BRDT: variants seen among roughly 807,000 people sequenced by gnomAD.
BRDT encodes bromodomain testis-specific protein.
Under a neutral mutation model 113.9 loss-of-function variants are expected in BRDT, and 77 were observed. The observed-to-expected ratio is 0.68, with a 90% confidence interval of 0.56 to 0.82. The LOEUF is 0.82. BRDT is among the 40% of genes least tolerant of loss of function. The pLI, the probability that BRDT is intolerant of heterozygous loss-of-function variation, is 0.00. For synonymous variants in BRDT, 358 were observed against 366.5 expected, an observed-to-expected ratio of 0.98 and a Z score of 0.26; for missense variants, 1,027 against 1,105.4, an observed-to-expected ratio of 0.93 and a Z score of 1.01.
intron 16 of BRDT, among the ~76,000 whole-genome samples, chr1:92,003,853 A>G (rs978153433): frequency 6.6e-6 from 1 of 152,204 alleles, no homozygotes; most frequent in East Asian, 1.9e-4. Context: ...CGTGGCTATT[A>G]GAAAACATTA....
intron 18 of BRDT, 58 bp from the exon 19 acceptor site, chr1:92,014,148 G>T: frequency 9.1e-7 from 1 of 1,102,964 alleles, no homozygotes; most frequent in African/African-American, 1.6e-5. Flanking sequence ...TTATTGTATA[G>T]TTGTAGTAAA....
At chr1:91,962,648 A>G in intron 1 of BRDT, 70 bp from the exon 2 acceptor site, 2 of 961,364 alleles carry the variant, frequency 2.1e-6, no homozygotes, top group South Asian at 4.3e-5. Flanking sequence ...TTACTCTTGA[A>G]TAACACTTTT....
At chr1:91,980,541 T>A in intron 8 of BRDT, 102 bp from the exon 9 acceptor site, 5 of 1,027,218 alleles carry the variant, frequency 4.9e-6, no homozygotes, top group South Asian at 3.0e-5. Flanking sequence ...AAGAAATGAA[T>A]TTCACAAAAG....
intron 18 of BRDT, among the ~76,000 whole-genome samples, chr1:92,011,532 G>T (rs976564687): frequency 1.3e-5 from 2 of 151,736 alleles, no homozygotes; most frequent in East Asian, 3.9e-4. Context: ...GAGCTACCAC[G>T]CCCAGCCGAC....
chr1:91,956,953 A>C (rs1681839124), intron 1 of BRDT, among the ~76,000 whole-genome samples: 1 of 152,130 alleles, frequency 6.6e-6, no homozygotes, highest in South Asian at 2.1e-4. Flanking sequence ...AAATTTTTAA[A>C]AATAGAAATA....
chr1:91,981,566 C>T, intron 11 of BRDT, 52 bp from the exon 12 acceptor site: 1 of 1,599,180 alleles, frequency 6.3e-7, no homozygotes. Context: ...TTTAAATGTT[C>T]CTGCAACTAT....
intron 3 of BRDT, among the ~76,000 whole-genome samples, chr1:91,965,878 G>GA (rs1006136922): frequency 6.6e-6 from 1 of 151,742 alleles, no homozygotes; most frequent in Non-Finnish European, 1.5e-5. Context: ...TTCCTGGGAT[G>GA]AGTCCTTTGA....
intron 1 of BRDT, chr1:91,952,285 AGTTT>A (rs1681179667): frequency 6.6e-6 from 1 of 152,040 alleles, no homozygotes; most frequent in African/African-American, 2.4e-5. Context: ...GTGTAAGGGG[AGTTT>A]TAGAGGAATG....
At chr1:92,011,891 C>T (rs1272046846) in intron 18 of BRDT, among the ~76,000 whole-genome samples, 1 of 152,144 alleles carries the variant, frequency 6.6e-6, no homozygotes, top group Non-Finnish European at 1.5e-5. Flanking sequence ...AAACGTTTAC[C>T]TCATGCCAGT....
chr1:91,991,528 G>A (rs914729196), intron 13 of BRDT, among the ~76,000 whole-genome samples: 5 of 152,178 alleles, frequency 3.3e-5, no homozygotes, highest in Non-Finnish European at 7.4e-5. Flanking sequence ...TGAATACAGA[G>A]GGATGGCCTT....
intron 1 of BRDT, among the ~76,000 whole-genome samples, chr1:91,961,721 A>G (rs954541927): frequency 2.6e-5 from 4 of 152,186 alleles, no homozygotes; most frequent in Non-Finnish European, 5.9e-5. Flanking sequence ...TGAATTAACA[A>G]TTGTAGAATA....
At chr1:91,982,195 T>A (rs142082312) in intron 12 of BRDT, among the ~76,000 whole-genome samples, 132 of 152,330 alleles carry the variant, frequency 8.7e-4, no homozygotes, top group African/African-American at 3.0e-3. Context: ...TGAATAATCC[T>A]TTTGAGTTAA....
intron 15 of BRDT, among the ~76,000 whole-genome samples, chr1:91,995,641 T>G (rs908641227): frequency 7.3e-6 from 1 of 137,182 alleles, no homozygotes; most frequent in Non-Finnish European, 1.6e-5. Flanking sequence ...TTTTTTGTAG[T>G]TTTTTTTTTT....
intron 12 of BRDT, among the ~76,000 whole-genome samples, chr1:91,982,922 G>GT (rs1171857934): frequency 6.6e-6 from 1 of 152,106 alleles, no homozygotes; most frequent in Non-Finnish European, 1.5e-5. Context: ...ATTTTCAATT[G>GT]TAATTAGCAT....
intron 14 of BRDT, among the ~76,000 whole-genome samples, chr1:91,993,590 T>C (rs1460455925): frequency 6.6e-6 from 1 of 152,216 alleles, no homozygotes; most frequent in Non-Finnish European, 1.5e-5. Context: ...GAATATTGAA[T>C]TAGAATTTAT....
chr1:91,964,015 G>T (rs1418351745), intron 2 of BRDT, among the ~76,000 whole-genome samples: 4 of 151,852 alleles, frequency 2.6e-5, no homozygotes, highest in African/African-American at 9.7e-5. Context: ...GGGAAGACAG[G>T]CATGTGCCAG....
At chr1:91,963,140 A>G (rs1047831982) in intron 2 of BRDT, among the ~76,000 whole-genome samples, 194 bp downstream of exon 2, 1 of 152,168 alleles carries the variant, frequency 6.6e-6, no homozygotes, top group African/African-American at 2.4e-5. Flanking sequence ...CCTGACCAAC[A>G]TGGAGAGACC....
At chr1:91,994,837 C>T (rs1370664503) in intron 15 of BRDT, among the ~76,000 whole-genome samples, 3 of 132,656 alleles carry the variant, frequency 2.3e-5, no homozygotes, top group Non-Finnish European at 3.1e-5. Context: ...CACTGCACTC[C>T]AGCCTGGGCG....
At chr1:92,011,062 A>G (rs1012872540) in intron 18 of BRDT, among the ~76,000 whole-genome samples, 2 of 152,120 alleles carry the variant, frequency 1.3e-5, no homozygotes, top group Non-Finnish European at 2.9e-5. Flanking sequence ...ATATAAGAAC[A>G]TTAGTTTGAG....
Sources: gnomAD v4.1 joint callset for allele counts (sites outside exome capture counted in the v4.1 genomes callset) on GRCh38, gnomAD v4.1.1 for gene constraint, MANE v1.5 for transcripts, NCBI Gene and HGNC (gene_info 2026-07-23, HGNC 2026-07-21) for gene names.